PAPSS2: variants seen among roughly 807,000 people sequenced by gnomAD.
PAPSS2 encodes the protein bifunctional 3'-phosphoadenosine 5'-phosphosulfate synthase 2.
Under a neutral mutation model 66.5 loss-of-function variants are expected in PAPSS2, and 61 were observed. The observed-to-expected ratio is 0.92, with a 90% CI of 0.75 to 1.14. The LOEUF (loss-of-function observed/expected upper bound fraction) is 1.14, where lower values mean the gene tolerates loss of function less well. Among genes scored for constraint, PAPSS2 ranks in the 50% most tolerant of loss-of-function variants. PAPSS2 has a pLI of 0.00. For missense variants in PAPSS2, 708 were observed against 789.6 expected (o/e 0.90, Z 1.24); for synonymous variants, 289 against 287.5 (o/e 1.01, Z -0.05).
chr10:87,723,427 A>C (rs893571520), intron 8 of PAPSS2, among the ~76,000 whole-genome samples: 8 of 132,700 alleles, frequency 6.0e-5, no homozygotes, highest in South Asian at 5.5e-4. Flanking sequence ...CCATTTTTCC[A>C]GTGAGGAAAC....
intron 1 of PAPSS2, among the ~76,000 whole-genome samples, chr10:87,661,539 C>G (rs932050494): frequency 9.2e-5 from 14 of 152,164 alleles, no homozygotes; most frequent in African/African-American, 3.1e-4. Flanking sequence ...TTCCTGCTTG[C>G]ATCAAGAATT....
At chr10:87,673,743 G>A (rs561819973) in intron 1 of PAPSS2, among the ~76,000 whole-genome samples, 5 of 111,318 alleles carry the variant, frequency 4.5e-5, no homozygotes, top group South Asian at 2.8e-4. Context: ...GTACCACTTC[G>A]TTTTATGCCC....
At chr10:87,701,370 T>TTCTA (rs1342961335) in intron 1 of PAPSS2, among the ~76,000 whole-genome samples, 23 of 116,036 alleles carry the variant, frequency 2.0e-4, no homozygotes, top group Non-Finnish European at 3.3e-4. Flanking sequence ...CTTTCTTTCT[T>TTCTA]TCTTTCTTTC....
intron 1 of PAPSS2, among the ~76,000 whole-genome samples, chr10:87,696,688 A>G (rs1265451775): frequency 6.6e-6 from 1 of 152,240 alleles, no homozygotes; most frequent in Non-Finnish European, 1.5e-5. Flanking sequence ...TTAAAAGTAA[A>G]ATAATAAAGT....
intron 7 of PAPSS2, among the ~76,000 whole-genome samples, chr10:87,717,729 A>G (rs1403474871): frequency 2.6e-5 from 4 of 152,006 alleles, no homozygotes; most frequent in South Asian, 2.1e-4. Context: ...TGCCTGGCAG[A>G]TTTCTAAATT....
intron 8 of PAPSS2, among the ~76,000 whole-genome samples, chr10:87,724,916 G>A (rs973940602): frequency 9.6e-5 from 11 of 114,998 alleles, no homozygotes; most frequent in African/African-American, 3.5e-4. Flanking sequence ...GAATTGGTTC[G>A]TGTGATTGTG....
intron 1 of PAPSS2, among the ~76,000 whole-genome samples, chr10:87,666,844 G>A (rs1801882277): frequency 6.6e-6 from 1 of 152,020 alleles, no homozygotes; most frequent in African/African-American, 2.4e-5. Context: ...TGACCATGCA[G>A]GGACTTGGAG....
chr10:87,712,672 G>A (rs1372295578), intron 2 of PAPSS2, among the ~76,000 whole-genome samples: 1 of 152,044 alleles, frequency 6.6e-6, no homozygotes, highest in African/African-American at 2.4e-5. Flanking sequence ...CCCCAGGCTA[G>A]TTTCGAACTC....
intron 1 of PAPSS2, among the ~76,000 whole-genome samples, chr10:87,706,108 A>ATATATATATGTGTGTGTGTG: frequency 5.8e-5 from 3 of 52,016 alleles, no homozygotes; most frequent in Admixed American, 2.0e-4. Context: ...ATATATATAT[A>ATATATATATGTGTGTGTGTG]TGTGTGTGTG....
chr10:87,695,079 T>C (rs1853215496), intron 1 of PAPSS2, among the ~76,000 whole-genome samples: 1 of 152,192 alleles, frequency 6.6e-6, no homozygotes, highest in Non-Finnish European at 1.5e-5. Flanking sequence ...AGGAGTGAAA[T>C]GCAACGATGT....
At chr10:87,686,142 T>G (rs980809420) in intron 1 of PAPSS2, among the ~76,000 whole-genome samples, 2 of 102,422 alleles carry the variant, frequency 2.0e-5, no homozygotes, top group African/African-American at 7.5e-5. Context: ...TGGAAGGTGG[T>G]TTTTTTTTTT....
intron 11 of PAPSS2, 65 bp from the exon 12 acceptor site, chr10:87,744,937 C>T: frequency 1.5e-6 from 2 of 1,362,682 alleles, no homozygotes; most frequent in South Asian, 1.2e-5. Flanking sequence ...AAAGGTGTCT[C>T]CATAAACCAT....
At chr10:87,675,317 C>T (rs752965801) in intron 1 of PAPSS2, among the ~76,000 whole-genome samples, 1 of 152,186 alleles carries the variant, frequency 6.6e-6, no homozygotes, top group Non-Finnish European at 1.5e-5. Context: ...AAATCTACCT[C>T]TTCACCCTCT....
intron 1 of PAPSS2, among the ~76,000 whole-genome samples, chr10:87,685,528 A>G (rs1853077191): frequency 6.6e-6 from 1 of 151,982 alleles, no homozygotes; most frequent in African/African-American, 2.4e-5. Flanking sequence ...CAAAAAAATA[A>G]AAACATTAGC....
chr10:87,711,553 C>G (rs1853462573), intron 2 of PAPSS2, among the ~76,000 whole-genome samples: 1 of 152,170 alleles, frequency 6.6e-6, no homozygotes, highest in South Asian at 2.1e-4. Flanking sequence ...AATTTATCAC[C>G]TATGTCTTTA....
Position 87,659,916 on chromosome 10 carries a change from C to A in PAPSS2, c.-66C>A. 3 of 1,573,984 alleles carry A rather than the reference C, an allele frequency of 1.9e-6. No homozygotes were observed. The highest frequency in any genetic ancestry group is 2.6e-6 in the Non-Finnish European group (3 of 1,148,556). Reference sequence around the variant, plus strand: ...GCTGCTGCTGCTGCTGCCGCCGCCGCCGCCGCCGTCCCTGCGTCCTTCGGT... The same window carrying A: ...GCTGCTGCTGCTGCTGCCGCCGCCGACGCCGCCGTCCCTGCGTCCTTCGGT... On this transcript the variant is annotated 5_prime_UTR_variant, in exon 1 of 13. Transcript: ENST00000456849.
chr10:87,671,342 G>T (rs1852875849), intron 1 of PAPSS2, among the ~76,000 whole-genome samples: 1 of 152,186 alleles, frequency 6.6e-6, no homozygotes, highest in Admixed American at 6.5e-5. Context: ...TTGTAATGTT[G>T]TGTAATCTTT....
At chr10:87,682,875 G>A (rs1346172385) in intron 1 of PAPSS2, among the ~76,000 whole-genome samples, 3 of 152,212 alleles carry the variant, frequency 2.0e-5, no homozygotes, top group African/African-American at 7.2e-5. Flanking sequence ...GCAGCTGGAA[G>A]CCTTTTTTCT....
chr10:87,698,083 C>A (rs970059084), intron 1 of PAPSS2, among the ~76,000 whole-genome samples: 2 of 152,088 alleles, frequency 1.3e-5, no homozygotes, highest in African/African-American at 4.8e-5. Flanking sequence ...AAAAAGATGC[C>A]GTAAGTATGA....
Sources: allele counts gnomAD v4.1 joint callset (sites outside exome capture counted in the v4.1 genomes callset), GRCh38; gene constraint gnomAD v4.1.1; transcripts MANE v1.5; gene names NCBI Gene and HGNC (gene_info 2026-07-23, HGNC 2026-07-21).